The following ZCCHC14 variants were observed in gnomAD, a reference collection of about 807,000 sequenced individuals.
The protein encoded by ZCCHC14 is zinc finger CCHC-type containing 14, also known as zinc finger CCHC domain-containing protein 14.
In ZCCHC14, 16 loss-of-function variants were observed where a neutral mutation model predicts 85.0. The observed-to-expected ratio is 0.19, with a 90% CI of 0.13 to 0.29. ZCCHC14 has a LOEUF of 0.29. Among genes scored for constraint, ZCCHC14 ranks in the 10% least tolerant of loss-of-function variants. The probability of loss-of-function intolerance (pLI) is 1.00; values close to 1 mark genes in which losing one functional copy is unlikely to be tolerated. For missense variants in ZCCHC14, 1,303 were observed against 1,443.5 expected (o/e 0.90, Z 1.58); for synonymous variants, 775 against 630.7 (o/e 1.23, Z -3.43).
chr16:87,484,097 T>A (rs181954955), intron 1 of ZCCHC14, among the ~76,000 whole-genome samples: 1 of 152,184 alleles, frequency 6.6e-6, no homozygotes, highest in Admixed American at 6.5e-5. Flanking sequence ...TAAATACATA[T>A]GGTTTCTCTG....
rs1412224688 is a variant in ZCCHC14, at chr16:87,410,206, A to G, written c.*74T>C. On this transcript the variant is annotated 3_prime_UTR_variant, in exon 13 of 13. Coordinates refer to ENST00000671377, the MANE Select transcript of ZCCHC14 (RefSeq NM_015144.3). ...AAAAAGATTAAGCTCAACAGCAACT[A>G]GACTTCTCAGTTTTGTATTTAATTT... The G allele has an allele frequency of 4.6e-6, 3 of 655,206 alleles. No individual in the cohort carries two copies. The highest frequency in any genetic ancestry group is 1.9e-5 in the African/African-American group (1 of 53,854). 40.6% of individuals were successfully genotyped at this position (655,206 alleles called of 1,614,324 possible).
At chr16:87,445,689 G>A (rs1910402678) in intron 2 of ZCCHC14, among the ~76,000 whole-genome samples, 1 of 152,176 alleles carries the variant, frequency 6.6e-6, no homozygotes, top group African/African-American at 2.4e-5. Flanking sequence ...ACGACTATGT[G>A]ATGACGCGCC....
intron 1 of ZCCHC14, among the ~76,000 whole-genome samples, chr16:87,487,610 G>A (rs967625386): frequency 6.6e-6 from 1 of 152,242 alleles, no homozygotes; most frequent in African/African-American, 2.4e-5. Flanking sequence ...GCCCCGCACC[G>A]ACACGTGCGC....
In ZCCHC14 at chr16:87,491,004, A is replaced by T. The variant is rs1597189606; in HGVS notation, c.570+665T>A. Reference sequence around the variant, plus strand: ...CCCAGCGCCTTGCAATGTTCACCTCACCGGCGGCTTCTGGCGTGGCCACGG... The same window carrying T: ...CCCAGCGCCTTGCAATGTTCACCTCTCCGGCGGCTTCTGGCGTGGCCACGG... On this transcript the variant is annotated intron_variant, in intron 1 of 12. Transcript: ENST00000671377. The surrounding 1 kb of genome is among the most constrained non-coding windows in gnomAD (Gnocchi z 5.9). Among the ~76,000 whole-genome samples the T allele has an allele frequency of 6.6e-6, 1 of 152,208 alleles. No individual in the cohort carries two copies. Among genetic ancestry groups the T allele is most frequent in the Non-Finnish European group, 1.5e-5 (1 of 68,034 alleles).
intron 2 of ZCCHC14, among the ~76,000 whole-genome samples, chr16:87,459,348 C>G (rs894685409): frequency 4.6e-5 from 7 of 151,626 alleles, no homozygotes; most frequent in African/African-American, 1.7e-4. Context: ...TTCCTCCCAC[C>G]CTTTTTTTTT....
chr16:87,420,602 C>G lies in ZCCHC14; in HGVS notation c.950+5G>C. 6.2e-7 allele frequency: 1 copy of G among 1,610,736 alleles called. No homozygotes were observed. The highest frequency in any genetic ancestry group is 8.5e-7 in the Non-Finnish European group (1 of 1,178,374). On this transcript the variant is annotated splice_donor_5th_base_variant and intron_variant, in intron 5 of 12. Coordinates refer to ENST00000671377, the MANE Select transcript of ZCCHC14 (RefSeq NM_015144.3). The surrounding 1 kb of genome is among the most constrained non-coding windows in gnomAD (Gnocchi z 5.0). ...GACGCGCCGGGTGCCTGGTAAGGGC[C>G]TCACCTCAGGCCTGAGTCCAGATCC...
At chr16:87,454,241 A>C (rs542228934) in intron 2 of ZCCHC14, among the ~76,000 whole-genome samples, 2 of 152,358 alleles carry the variant, frequency 1.3e-5, no homozygotes, top group East Asian at 3.9e-4. Context: ...AGGAAGAAAG[A>C]ATACTTCAAT....
intron 1 of ZCCHC14, among the ~76,000 whole-genome samples, chr16:87,483,568 T>A (rs1912384083): frequency 6.6e-6 from 1 of 152,016 alleles, no homozygotes; most frequent in Non-Finnish European, 1.5e-5. Flanking sequence ...ACTCACCAAA[T>A]ATCAATGAAA....
rs12444400 is a variant in ZCCHC14 at position 87,460,027 on chromosome 16, G to C, written c.675C>G (p.Pro225=). The C allele has an allele frequency of 3.7e-6, 6 of 1,614,098 alleles. No individual in the cohort carries two copies. Among genetic ancestry groups the C allele is most frequent in the Non-Finnish European group, 5.1e-6 (6 of 1,180,012 alleles). Residue 225 remains proline, a synonymous_variant, in exon 2 of 13, where the codon CCC becomes CCG. Coordinates refer to ENST00000671377, the MANE Select transcript of ZCCHC14 (RefSeq NM_015144.3). ...HSTEESLPKR[P]LGKHSKVSVE... is the part of the protein sequence containing the mutation. The stretch of plus-strand genomic sequence containing the variant: ...ACTCACCTTTGCTGTGTTTTCCTAA[G>C]GGCCTCTTGGGCAGCGACTCCTCCG...
chr16:87,424,421 CAGCAGTGATCACTGCTGGGGAAG>C (rs1909263060), intron 3 of ZCCHC14, among the ~76,000 whole-genome samples: 2 of 142,738 alleles, frequency 1.4e-5, no homozygotes, highest in Admixed American at 1.4e-4. Context: ...ATCACTAGGG[CAGCAGTGATCACTGCTGGGGAAG>C]AGCAGTGAAA....
intron 2 of ZCCHC14, among the ~76,000 whole-genome samples, chr16:87,445,468 ATTTC>A (rs369336454): frequency 3.7e-4 from 56 of 152,240 alleles, no homozygotes; most frequent in African/African-American, 1.3e-3. Context: ...GAGAGGTTGA[ATTTC>A]TTTCTTTCTG....
At chr16:87,447,374 A>G (rs1291609843) in intron 2 of ZCCHC14, among the ~76,000 whole-genome samples, 1 of 152,136 alleles carries the variant, frequency 6.6e-6, no homozygotes, top group Non-Finnish European at 1.5e-5. Context: ...CAATTCAATG[A>G]GTTTGGGTAC....
chr16:87,488,409 G>C (rs1912608177), intron 1 of ZCCHC14, among the ~76,000 whole-genome samples: 1 of 152,058 alleles, frequency 6.6e-6, no homozygotes, highest in Admixed American at 6.6e-5. Context: ...TGTGGCTACT[G>C]GAAGTATTTT....
At chr16:87,470,096 G>A (rs1911711462) in intron 1 of ZCCHC14, among the ~76,000 whole-genome samples, 1 of 152,036 alleles carries the variant, frequency 6.6e-6, no homozygotes, top group Non-Finnish European at 1.5e-5. Flanking sequence ...ACTTTGGGAG[G>A]CTTAGACAGG....
intron 1 of ZCCHC14, chr16:87,473,848 A>G (rs1911884093): frequency 6.6e-6 from 1 of 152,062 alleles, no homozygotes; most frequent in Admixed American, 6.6e-5. Flanking sequence ...TCAAAACAAG[A>G]GTGCATCCAA....
Position 87,491,152 on chromosome 16 carries a change from A to C in ZCCHC14, c.570+517T>G, listed in dbSNP as rs1001376520. Among the ~76,000 whole-genome samples, 1 of 152,246 alleles carries C rather than the reference A, an allele frequency of 6.6e-6. No homozygotes were observed. Among genetic ancestry groups the C allele is most frequent in the African/African-American group, 2.4e-5 (1 of 41,468 alleles). ...GCCTTATCGCGTTTGCAGCCGGCTA[A>C]GTGAAAGGAGGGCACCTGGGACTGT... On this transcript the variant is annotated intron_variant, in intron 1 of 12. Transcript: ENST00000671377. This position sits in a 1 kb window ranked among gnomAD's most constrained non-coding sequence, Gnocchi z 5.9.
At chr16:87,421,876 G>A (rs1405520664) in intron 4 of ZCCHC14, among the ~76,000 whole-genome samples, 1 of 151,928 alleles carries the variant, frequency 6.6e-6, no homozygotes, top group South Asian at 2.1e-4. Flanking sequence ...CTCTCCTCCG[G>A]CTCCACGGTC....
At chr16:87,422,809 G>A (rs1405545410) in intron 4 of ZCCHC14, among the ~76,000 whole-genome samples, 1 of 152,088 alleles carries the variant, frequency 6.6e-6, no homozygotes, top group Non-Finnish European at 1.5e-5. Flanking sequence ...CGGCAGGAGT[G>A]GAGTCCAGGG....
At position 87,411,817 on chromosome 16, in the gene ZCCHC14, G is replaced by A. The variant is rs749111606; in HGVS notation, c.2904C>T (p.Cys968=). The stretch of plus-strand genomic sequence containing the variant: ...GCTGGGCGCTGACGTAGCCGCTGCT[G>A]CACATGGGACTGAAGGGCAAGAAGG... ...TFPFLPFSPM[C]SSGYVSAQQY... The change falls in exon 12 of 13, where the codon TGC becomes TGT. Residue 968 remains cysteine (C), a synonymous_variant. Coordinates refer to ENST00000671377, the MANE Select transcript of ZCCHC14 (RefSeq NM_015144.3). 3 of 1,611,580 alleles carry A rather than the reference G, an allele frequency of 1.9e-6. No homozygotes were observed. The highest frequency in any genetic ancestry group is 2.5e-6 in the Non-Finnish European group (3 of 1,179,154).
Sources: allele counts gnomAD v4.1 joint callset (sites outside exome capture counted in the v4.1 genomes callset), GRCh38; gene constraint gnomAD v4.1.1; non-coding constraint Gnocchi (gnomAD v3.1); transcripts MANE v1.5; gene names NCBI Gene and HGNC (gene_info 2026-07-23, HGNC 2026-07-21).